Variants in MTMR7 observed in about 807,000 individuals in gnomAD.
MTMR7 encodes the protein myotubularin related protein 7, also known as phosphatidylinositol-3-phosphate phosphatase MTMR7.
A neutral mutation model predicts 81.2 loss-of-function variants in MTMR7; 76 were observed. That is an observed-to-expected ratio of 0.94 (90% CI 0.78 to 1.13). The LOEUF (loss-of-function observed/expected upper bound fraction) is 1.13. Ranked by LOEUF, MTMR7 falls within the 50% of genes most tolerant of loss-of-function variation. MTMR7 has a pLI of 0.00. For synonymous variants in MTMR7, 372 were observed against 289.8 expected, an observed-to-expected ratio of 1.28 and a Z score of -2.88; for missense variants, 1,044 against 820.0, an observed-to-expected ratio of 1.27 and a Z score of -3.34.
chr8:17,403,385 G>A (rs1197331367), intron 1 of MTMR7, among the ~76,000 whole-genome samples: 1 of 152,190 alleles, frequency 6.6e-6, no homozygotes, highest in Non-Finnish European at 1.5e-5. Context: ...CAAGTCCACT[G>A]TAGGTGTGTG....
chr8:17,355,884 T>A (rs1031085486), intron 4 of MTMR7, among the ~76,000 whole-genome samples: 2 of 152,148 alleles, frequency 1.3e-5, no homozygotes, highest in African/African-American at 2.4e-5. Context: ...GAGATCCAAT[T>A]CATACCAATC....
chr8:17,385,812 G>A (rs902947773), intron 1 of MTMR7, among the ~76,000 whole-genome samples: 7 of 152,030 alleles, frequency 4.6e-5, no homozygotes, highest in African/African-American at 9.7e-5. Flanking sequence ...GTGGCCTCCC[G>A]GCAGCAGATG....
In MTMR7 at chr8:17,331,276, C is replaced by A. The variant is rs199554013; in HGVS notation, c.739G>T (p.Ala247Ser). 6 of 1,604,350 alleles carry A rather than the reference C, an allele frequency of 3.7e-6. No individual in the cohort carries two copies. Among genetic ancestry groups the A allele is most frequent in the Non-Finnish European group, 5.1e-6 (6 of 1,176,948 alleles). ...TTCCCTGCAGCACGATTTGCCATTG[C>A]ATTAAGCTGCAGTGGTCAGCAAAAC... ...YVVDTRPKLN[A>S]MANRAAGKGY... The change falls in exon 7 of 14, where the codon GCA becomes TCA. Residue 247 changes from alanine to serine, a missense_variant. Transcript: ENST00000180173.
chr8:17,368,614 T>C (rs921172045), intron 3 of MTMR7, among the ~76,000 whole-genome samples: 1 of 152,080 alleles, frequency 6.6e-6, no homozygotes, highest in Non-Finnish European at 1.5e-5. Context: ...CATTTCCCCA[T>C]CTCCCTCCAG....
intron 3 of MTMR7, among the ~76,000 whole-genome samples, chr8:17,364,329 G>A (rs141487301): frequency 6.6e-6 from 1 of 152,112 alleles, no homozygotes; most frequent in African/African-American, 2.4e-5. Flanking sequence ...CACCGCGCCC[G>A]GTCAAAAAGT....
chr8:17,308,059 A>G (rs58048397), intron 10 of MTMR7, among the ~76,000 whole-genome samples: 50,367 of 151,662 alleles, frequency 0.33, 8,851 homozygotes, highest in African/African-American at 0.44. Flanking sequence ...AAAAATAAAA[A>G]TAAAATGAGG....
intron 10 of MTMR7, 89 bp downstream of exon 10, chr8:17,309,188 A>C: frequency 6.7e-6 from 6 of 897,478 alleles, no homozygotes; most frequent in Non-Finnish European, 1.1e-5. Flanking sequence ...CTCAAAAAAC[A>C]AGACGATTTT....
At chr8:17,359,128 G>A (rs1043673204) in intron 4 of MTMR7, among the ~76,000 whole-genome samples, 7 of 151,946 alleles carry the variant, frequency 4.6e-5, no homozygotes, top group African/African-American at 1.7e-4. Flanking sequence ...AAACTCCAGG[G>A]CTCAAGCAGT....
At chr8:17,388,502 G>C (rs1279424823) in intron 1 of MTMR7, among the ~76,000 whole-genome samples, 1 of 152,172 alleles carries the variant, frequency 6.6e-6, no homozygotes, top group Admixed American at 6.5e-5. Flanking sequence ...ACAAGACCTT[G>C]CTTTGAAGCA....
At position 17,362,324 on chromosome 8, in the gene MTMR7, G is replaced by C. The variant is rs531040719; in HGVS notation, c.311-1050C>G. Among the ~76,000 whole-genome samples the C allele has an allele frequency of 3.9e-5, 6 of 152,294 alleles. No individual in the cohort carries two copies. In the East Asian group the frequency reaches 1.2e-3, roughly 29 times the overall value. ...TAACCGCATACCTCAGTTTGCAGTA[G>C]CGCTGAACAGCTATCTGTGGCCAGT... On this transcript the variant is annotated intron_variant, in intron 3 of 13. Transcript: ENST00000180173.
intron 2 of MTMR7, among the ~76,000 whole-genome samples, chr8:17,371,665 A>G (rs2150565413): frequency 6.6e-6 from 1 of 152,202 alleles, no homozygotes; most frequent in South Asian, 2.1e-4. Flanking sequence ...GTTGTTTTCT[A>G]AGCTGTTGGT....
intron 4 of MTMR7, 183 bp from the exon 5 acceptor site, chr8:17,349,264 T>C: frequency 1.6e-6 from 1 of 606,354 alleles, no homozygotes; most frequent in South Asian, 2.3e-5. Context: ...GCTGATTCTA[T>C]GTAATCATTC....
intron 1 of MTMR7, among the ~76,000 whole-genome samples, chr8:17,382,996 C>G (rs1396095470): frequency 6.6e-6 from 1 of 151,680 alleles, no homozygotes; most frequent in African/African-American, 2.4e-5. Flanking sequence ...GACAGAATGT[C>G]TTGAGAGCGG....
At chr8:17,377,512 T>C (rs1820626587) in intron 1 of MTMR7, among the ~76,000 whole-genome samples, 1 of 152,110 alleles carries the variant, frequency 6.6e-6, no homozygotes, top group Non-Finnish European at 1.5e-5. Context: ...TATTTTTCTT[T>C]TCTACTTTGT....
chr8:17,372,972 G>A, intron 2 of MTMR7, 146 bp downstream of exon 2: 2 of 922,612 alleles, frequency 2.2e-6, no homozygotes, highest in Non-Finnish European at 3.2e-6. Flanking sequence ...CACAGAAAAA[G>A]TCCAAACACA....
At chr8:17,336,051 C>G (rs956665798) in intron 6 of MTMR7, among the ~76,000 whole-genome samples, 3 of 152,180 alleles carry the variant, frequency 2.0e-5, no homozygotes, top group African/African-American at 7.2e-5. Context: ...CCAATTCTCT[C>G]TTCATCGGTT....
chr8:17,339,120 T>C (rs1410129271), intron 6 of MTMR7: 1 of 152,234 alleles, frequency 6.6e-6, no homozygotes, highest in African/African-American at 2.4e-5. Flanking sequence ...GTTCTCGTGA[T>C]TTCTGGGATC....
chr8:17,368,541 T>C (rs1421605491), intron 3 of MTMR7, among the ~76,000 whole-genome samples: 1 of 152,228 alleles, frequency 6.6e-6, no homozygotes, highest in Non-Finnish European at 1.5e-5. Flanking sequence ...TATCTTCAGA[T>C]GGTTCTGAAA....
intron 7 of MTMR7, among the ~76,000 whole-genome samples, chr8:17,315,488 A>G (rs776946301): frequency 6.6e-5 from 10 of 152,182 alleles, no homozygotes; most frequent in African/African-American, 9.7e-5. Context: ...CGATGTGCCA[A>G]TGTAGGTGCA....
Sources: gnomAD v4.1 joint callset for allele counts (sites outside exome capture counted in the v4.1 genomes callset) on GRCh38, gnomAD v4.1.1 for gene constraint, MANE v1.5 for transcripts, NCBI Gene and HGNC (gene_info 2026-07-23, HGNC 2026-07-21) for gene names.